RSF1: variants seen among roughly 807,000 people sequenced by gnomAD.
The protein encoded by RSF1 is remodeling and spacing factor 1.
A neutral mutation model predicts 145.2 loss-of-function variants in RSF1; 13 were observed. That is an observed-to-expected ratio of 0.09 (90% CI 0.06 to 0.14). The LOEUF (loss-of-function observed/expected upper bound fraction) is 0.14. Among genes scored for constraint, RSF1 ranks in the 10% least tolerant of loss-of-function variants. The pLI, the probability that RSF1 is intolerant of heterozygous loss-of-function variation, is 1.00. For synonymous variants in RSF1, 577 were observed against 592.6 expected (o/e 0.97, Z 0.38); for missense variants, 1,517 against 1,718.2 (o/e 0.88, Z 2.07).
At chr11:77,714,601 G>A (rs374464513) in intron 5 of RSF1, among the ~76,000 whole-genome samples, 2 of 152,170 alleles carry the variant, frequency 1.3e-5, no homozygotes, top group South Asian at 2.1e-4. Context: ...TCCCACTTTG[G>A]GAGGCCGAGA....
chr11:77,842,549 G>C, the RSF1 span: 826 of 1,614,000 alleles, frequency 5.1e-4, 1 homozygote, highest in Non-Finnish European at 6.6e-4. Flanking sequence ...AAAGTAAAAG[G>C]CTCTAATACA....
intron 1 of RSF1, among the ~76,000 whole-genome samples, chr11:77,778,704 T>A (rs11237289): frequency 6.6e-6 from 1 of 152,022 alleles, no homozygotes; most frequent in East Asian, 1.9e-4. Context: ...CTAAATGGAC[T>A]CTTCAGTCTT....
the RSF1 span, among the ~76,000 whole-genome samples, chr11:77,843,474 G>T: frequency 6.6e-6 from 1 of 152,174 alleles, no homozygotes; most frequent in Non-Finnish European, 1.5e-5. Flanking sequence ...GCTGAGGGGA[G>T]AAAGAGTCTT....
intron 1 of RSF1, among the ~76,000 whole-genome samples, chr11:77,807,063 T>G (rs910293483): frequency 2.0e-5 from 3 of 152,234 alleles, no homozygotes; most frequent in African/African-American, 7.2e-5. Flanking sequence ...TGCTACATTT[T>G]TACTTTAAAG....
chr11:77,764,607 A>G lies in RSF1; in HGVS notation c.270T>C (p.Tyr90=). ...KSVTADRWEK[Y]LIKICQEFNS... ...TACAAATACTAGTTACCTTGATCAAATATTTTTCCCATCTGTCTGCAGTAA... is the reference window on the plus strand; with the variant it reads ...TACAAATACTAGTTACCTTGATCAAGTATTTTTCCCATCTGTCTGCAGTAA... The change falls in exon 2 of 16, where the codon TAT becomes TAC. Residue 90 remains tyrosine, a synonymous_variant. Transcript: ENST00000308488. 1 of 1,583,192 alleles carries G rather than the reference A, an allele frequency of 6.3e-7. No homozygotes were observed. The highest frequency in any genetic ancestry group is 8.7e-7 in the Non-Finnish European group (1 of 1,153,274).
chr11:77,797,685 T>C (rs1948586334), intron 1 of RSF1, among the ~76,000 whole-genome samples: 1 of 152,114 alleles, frequency 6.6e-6, no homozygotes, highest in African/African-American at 2.4e-5. Context: ...ACTAAAGAGC[T>C]TCTTCACAGC....
At chr11:77,793,815 C>T (rs572210779) in intron 1 of RSF1, among the ~76,000 whole-genome samples, 2 of 152,226 alleles carry the variant, frequency 1.3e-5, no homozygotes, top group Admixed American at 6.5e-5. Flanking sequence ...AGAGGAGGAC[C>T]GGTCTTCCAT....
At chr11:77,826,584 G>C in the RSF1 span, among the ~76,000 whole-genome samples, 9 of 152,144 alleles carry the variant, frequency 5.9e-5, no homozygotes, top group African/African-American at 2.2e-4. Context: ...TTGCAGCATA[G>C]TCGCTACCCT....
chr11:77,695,079 A>G (rs1038510514), intron 7 of RSF1, among the ~76,000 whole-genome samples: 2 of 152,200 alleles, frequency 1.3e-5, no homozygotes, highest in Admixed American at 6.5e-5. Flanking sequence ...ATCCACTCTA[A>G]GGTCACCTTC....
rs576017275 is a variant in RSF1 at position 77,663,451 on chromosome 11, G to T, written c.*3466C>A. 6.6e-6 allele frequency: 1 copy of T among 152,138 alleles called. No individual in the cohort carries two copies. The highest frequency in any genetic ancestry group is 2.1e-4 in the South Asian group (1 of 4,824). The allele number at this position is 152,138 out of a possible 1,614,324, so 9.4% of individuals were successfully genotyped here. On this transcript the variant is annotated 3_prime_UTR_variant, in exon 16 of 16. Transcript: ENST00000308488. ...TGTAACACCCTTTTAAAATTAATTTGTTTAAAAATTATTTTTCAAAAGCTT... is the reference window on the plus strand; with the variant it reads ...TGTAACACCCTTTTAAAATTAATTTTTTTAAAAATTATTTTTCAAAAGCTT...
the RSF1 span, among the ~76,000 whole-genome samples, chr11:77,835,225 G>A: frequency 6.6e-6 from 1 of 152,018 alleles, no homozygotes; most frequent in Non-Finnish European, 1.5e-5. Context: ...AAGGACACCA[G>A]ACATATACCC....
chr11:77,714,020 T>C (rs1298766712), intron 5 of RSF1, among the ~76,000 whole-genome samples: 1 of 152,250 alleles, frequency 6.6e-6, no homozygotes, highest in African/African-American at 2.4e-5. Flanking sequence ...GTTTTGCCAA[T>C]TTCATAACTT....
chr11:77,761,828 A>AATTTTT, intron 2 of RSF1, among the ~76,000 whole-genome samples: 1 of 119,544 alleles, frequency 8.4e-6, no homozygotes, highest in African/African-American at 3.3e-5. Context: ...CCATTCGGTG[A>AATTTTT]TTTTTTTTTT....
chr11:77,720,621 T>C (rs530106684), intron 5 of RSF1, among the ~76,000 whole-genome samples: 1 of 152,266 alleles, frequency 6.6e-6, no homozygotes, highest in South Asian at 2.1e-4. Flanking sequence ...CTAGCCCTAA[T>C]ATAAGTGGGA....
intron 15 of RSF1, among the ~76,000 whole-genome samples, chr11:77,669,553 A>G (rs922310700): frequency 6.6e-6 from 1 of 152,240 alleles, no homozygotes; most frequent in Non-Finnish European, 1.5e-5. Flanking sequence ...TTAAATTTAA[A>G]TTAGTTAAAA....
Position 77,685,165 on chromosome 11 carries a change from G to C in RSF1, c.2901-6C>G. The C allele has an allele frequency of 1.3e-6, 2 of 1,530,636 alleles. No individual in the cohort carries two copies. The highest frequency in any genetic ancestry group is 1.8e-6 in the Non-Finnish European group (2 of 1,132,350). The allele number at this position is 1,530,636 out of a possible 1,614,324, so 94.8% of individuals were successfully genotyped here. A position where few individuals can be genotyped will look rare whatever the true frequency, so the allele number is the denominator to read the frequency against. On this transcript the variant is annotated splice_region_variant and splice_polypyrimidine_tract_variant and intron_variant, in intron 9 of 15. Coordinates refer to ENST00000308488, the MANE Select transcript of RSF1 (RefSeq NM_016578.4). ...CATACACCAAGCGTTCTTTTCTTTA[G>C]GTGAAAAACAAACAAAATACATGAG... is the stretch of plus-strand genomic sequence containing the variant.
chr11:77,712,221 C>T (rs548116425), intron 5 of RSF1, among the ~76,000 whole-genome samples: 34 of 152,248 alleles, frequency 2.2e-4, no homozygotes, highest in East Asian at 1.5e-3. Flanking sequence ...ATACTGTTCT[C>T]GTGTAGTGAA....
chr11:77,710,590 G>GTTCAATTTC (rs1420456538), intron 5 of RSF1, among the ~76,000 whole-genome samples: 1 of 151,994 alleles, frequency 6.6e-6, no homozygotes, highest in Non-Finnish European at 1.5e-5. Flanking sequence ...ACATATTCAG[G>GTTCAATTTC]TTCAATTTCT....
chr11:77,698,713 A>G lies in RSF1; in HGVS notation c.2509-20T>C. The G allele has an allele frequency of 6.3e-7, 1 of 1,595,134 alleles. No individual in the cohort carries two copies. Among genetic ancestry groups the G allele is most frequent in the Non-Finnish European group, 8.6e-7 (1 of 1,163,896 alleles). On this transcript the variant is annotated intron_variant, in intron 6 of 15. Coordinates refer to ENST00000308488, the MANE Select transcript of RSF1 (RefSeq NM_016578.4). ...TTTTACCTTGTATAAAATAAAAAAA[A>G]TTGGGATAATTTGATATAAGAATGT... is the stretch of plus-strand genomic sequence containing the variant.
Sources: allele counts gnomAD v4.1 joint callset (sites outside exome capture counted in the v4.1 genomes callset), GRCh38; gene constraint gnomAD v4.1.1; transcripts MANE v1.5; gene names NCBI Gene and HGNC (gene_info 2026-07-23, HGNC 2026-07-21).